The following THSD7B variants were observed in gnomAD, a reference collection of about 807,000 sequenced individuals.
THSD7B encodes the protein thrombospondin type 1 domain containing 7B, also known as thrombospondin type-1 domain-containing protein 7B.
Under a neutral mutation model 213.6 loss-of-function variants are expected in THSD7B, and 138 were observed. The ratio of observed to expected loss-of-function variants is 0.65; its 90% CI spans 0.56 to 0.74. The LOEUF (loss-of-function observed/expected upper bound fraction) is 0.74, where lower values mean the gene tolerates loss of function less well. Among genes scored for constraint, THSD7B ranks in the 30% least tolerant of loss-of-function variants. The probability of loss-of-function intolerance (pLI) is 0.00; values close to 1 mark genes in which losing one functional copy is unlikely to be tolerated. For synonymous variants in THSD7B, 742 were observed against 687.0 expected (o/e 1.08, Z -1.25); for missense variants, 1,931 against 1,991.5 (o/e 0.97, Z 0.58).
At chr2:137,032,696 G>C (rs1179585810) in intron 2 of THSD7B, among the ~76,000 whole-genome samples, 1 of 152,108 alleles carries the variant, frequency 6.6e-6, no homozygotes, top group African/African-American at 2.4e-5. Flanking sequence ...TCACATAACT[G>C]TATTTCTGAA....
intron 15 of THSD7B, among the ~76,000 whole-genome samples, chr2:137,477,901 A>G (rs1252185088): frequency 6.6e-6 from 1 of 151,954 alleles, no homozygotes; most frequent in Admixed American, 6.6e-5. Flanking sequence ...CATTTTGAAT[A>G]TATTGTCCCA....
At chr2:136,859,354 C>A (rs1331919828) in intron 1 of THSD7B, among the ~76,000 whole-genome samples, 1 of 152,126 alleles carries the variant, frequency 6.6e-6, no homozygotes, top group Non-Finnish European at 1.5e-5. Context: ...AAGTTTTATG[C>A]ATGTATCTGT....
At chr2:137,255,839 G>A (rs1177895146) in intron 10 of THSD7B, among the ~76,000 whole-genome samples, 4 of 152,020 alleles carry the variant, frequency 2.6e-5, no homozygotes, top group South Asian at 2.1e-4. Context: ...CTACAGGTGC[G>A]TGCCACCACG....
chr2:136,866,784 T>C (rs1418027431), intron 1 of THSD7B, among the ~76,000 whole-genome samples: 1 of 152,202 alleles, frequency 6.6e-6, no homozygotes, highest in African/African-American at 2.4e-5. Flanking sequence ...GTCTGGAAAG[T>C]ATTTGTTATG....
intron 4 of THSD7B, among the ~76,000 whole-genome samples, chr2:137,102,492 T>C (rs1186208102): frequency 6.6e-6 from 1 of 152,126 alleles, no homozygotes; most frequent in Non-Finnish European, 1.5e-5. Flanking sequence ...CTCCAACGGA[T>C]CACAACTCCT....
At chr2:137,303,594 CT>C (rs1197099551) in intron 12 of THSD7B, among the ~76,000 whole-genome samples, 3 of 147,840 alleles carry the variant, frequency 2.0e-5, no homozygotes, top group Admixed American at 6.8e-5. Context: ...TTGCATGATT[CT>C]TTTTTTAATA....
At chr2:137,615,294 G>A (rs1682363092) in intron 17 of THSD7B, among the ~76,000 whole-genome samples, 1 of 152,306 alleles carries the variant, frequency 6.6e-6, no homozygotes, top group Non-Finnish European at 1.5e-5. Context: ...TCCTAAGCAT[G>A]AGTGGAAGTT....
At chr2:137,140,291 T>C (rs944577103) in intron 5 of THSD7B, among the ~76,000 whole-genome samples, 23 of 152,300 alleles carry the variant, frequency 1.5e-4, no homozygotes, top group Admixed American at 1.4e-3. Flanking sequence ...ATGGTATAAA[T>C]TACTTCAGAA....
intron 15 of THSD7B, among the ~76,000 whole-genome samples, chr2:137,532,509 C>A (rs1183546948): frequency 6.6e-6 from 1 of 151,614 alleles, no homozygotes; most frequent in African/African-American, 2.4e-5. Flanking sequence ...GGGATCATAG[C>A]CCTTAGGGAA....
intron 1 of THSD7B, among the ~76,000 whole-genome samples, chr2:136,855,589 CTATTATTTATT>C (rs201086620): frequency 0.052 from 7,474 of 144,426 alleles, 274 homozygotes; most frequent in East Asian, 0.16. Flanking sequence ...CCGCATCCGG[CTATTATTTATT>C]TATTATTTAT....
At chr2:137,328,574 G>A (rs904792747) in intron 12 of THSD7B, among the ~76,000 whole-genome samples, 1 of 152,320 alleles carries the variant, frequency 6.6e-6, no homozygotes, top group South Asian at 2.1e-4. Flanking sequence ...GACATCAGCA[G>A]ACTGGTGTTT....
intron 3 of THSD7B, among the ~76,000 whole-genome samples, chr2:137,088,061 G>A (rs1687873659): frequency 6.6e-6 from 1 of 151,908 alleles, no homozygotes; most frequent in Non-Finnish European, 1.5e-5. Flanking sequence ...GCAACACAGT[G>A]AAACCCTGTC....
At chr2:137,506,326 G>C (rs1321155370) in intron 15 of THSD7B, among the ~76,000 whole-genome samples, 2 of 152,098 alleles carry the variant, frequency 1.3e-5, no homozygotes, top group African/African-American at 4.8e-5. Flanking sequence ...CACACAAGGG[G>C]GATTTTCTTT....
chr2:137,096,953 G>A (rs956055241), intron 4 of THSD7B, among the ~76,000 whole-genome samples: 1 of 152,280 alleles, frequency 6.6e-6, no homozygotes, highest in African/African-American at 2.4e-5. Flanking sequence ...AGGTGTATTT[G>A]TTTCCTCCAG....
chr2:137,231,010 T>TA, intron 7 of THSD7B, 34 bp from the exon 8 acceptor site: 1 of 1,596,820 alleles, frequency 6.3e-7, no homozygotes, highest in Non-Finnish European at 8.6e-7. Flanking sequence ...GATTGTGCAT[T>TA]AATCACCAAC....
intron 12 of THSD7B, among the ~76,000 whole-genome samples, chr2:137,278,932 T>C (rs1411162813): frequency 6.6e-6 from 1 of 152,108 alleles, no homozygotes; most frequent in African/African-American, 2.4e-5. Context: ...AAGAATATAT[T>C]GTCATAAAGG....
intron 2 of THSD7B, among the ~76,000 whole-genome samples, chr2:137,013,878 A>T (rs940316506): frequency 1.3e-5 from 2 of 152,220 alleles, no homozygotes; most frequent in African/African-American, 4.8e-5. Flanking sequence ...AAGTGCTGAA[A>T]TATAAGCCTG....
intron 15 of THSD7B, among the ~76,000 whole-genome samples, chr2:137,480,595 C>G (rs1420825787): frequency 2.0e-5 from 3 of 152,134 alleles, no homozygotes; most frequent in Non-Finnish European, 4.4e-5. Flanking sequence ...CATTGAAGTT[C>G]TATCTTTATT....
intron 2 of THSD7B, among the ~76,000 whole-genome samples, chr2:136,925,979 A>C (rs1346690332): frequency 6.6e-6 from 1 of 152,230 alleles, no homozygotes; most frequent in African/African-American, 2.4e-5. Context: ...ACACAACTGT[A>C]TAATAATATA....
Sources: allele counts gnomAD v4.1 joint callset (sites outside exome capture counted in the v4.1 genomes callset), GRCh38; gene constraint gnomAD v4.1.1; transcripts MANE v1.5; gene names NCBI Gene and HGNC (gene_info 2026-07-23, HGNC 2026-07-21).